PDE4D: variants seen among roughly 807,000 people sequenced by gnomAD.
PDE4D encodes phosphodiesterase 4D.
PDE4D carries 24 observed loss-of-function variants against 87.4 expected under a neutral mutation model. The ratio of observed to expected loss-of-function variants is 0.27; its 90% CI spans 0.20 to 0.39. The LOEUF is 0.39. PDE4D is among the 10% of genes least tolerant of loss of function. The probability of loss-of-function intolerance (pLI) is 1.00; values close to 1 mark genes in which losing one functional copy is unlikely to be tolerated. For synonymous variants in PDE4D, 384 were observed against 383.2 expected, an observed-to-expected ratio of 1.00 and a Z score of -0.02; for missense variants, 714 against 1,041.0, an observed-to-expected ratio of 0.69 and a Z score of 4.32.
Position 59,444,271 on chromosome 5 carries a change from A to G in PDE4D, c.456-228303T>C, listed in dbSNP as rs113175382. On this transcript the variant is annotated intron_variant, in intron 1 of 14. Coordinates refer to ENST00000340635, the MANE Select transcript of PDE4D (RefSeq NM_001104631.2). ...TGGCTACAGACCTTGGGCCTTGCTC[A>G]TAGATATGGAAAAATTGGAATATGA... is the stretch of plus-strand genomic sequence containing the variant. 7.2e-5 allele frequency among the ~76,000 whole-genome samples: 11 copies of G among 152,322 alleles called. 2 individuals carry two copies. Among genetic ancestry groups the G allele is most frequent in the African/African-American group, 2.6e-4 (11 of 41,560 alleles).
At chr5:59,108,175 C>T (rs905377593) in intron 5 of PDE4D, among the ~76,000 whole-genome samples, 7 of 152,206 alleles carry the variant, frequency 4.6e-5, no homozygotes, top group Admixed American at 2.6e-4. Flanking sequence ...TAAATCACTA[C>T]TGCCTTTTGA....
intron 1 of PDE4D, among the ~76,000 whole-genome samples, chr5:59,655,980 G>C (rs1744287756): frequency 6.6e-6 from 1 of 152,080 alleles, no homozygotes; most frequent in African/African-American, 2.4e-5. Context: ...AGTCTCTACT[G>C]TCACCTTGCC....
chr5:59,576,460 T>G (rs1347144705), intron 1 of PDE4D, among the ~76,000 whole-genome samples: 1 of 152,140 alleles, frequency 6.6e-6, no homozygotes, highest in Admixed American at 6.5e-5. Context: ...ATTTGAAAAA[T>G]ATAAAGTTAT....
chr5:60,341,852 G>A lies in PDE4D; in HGVS notation c.-90+146090C>T, dbSNP rs142314839. On this transcript the variant is annotated intron_variant, in intron 1 of 16. Transcript: ENST00000502484. ...GGAGTTAGCTTGCCAACCAAACACA[G>A]ACCCATCAGCCCTCCACCCCACCAC... 3.9e-5 allele frequency among the ~76,000 whole-genome samples: 6 copies of A among 152,198 alleles called. No homozygotes were observed. The East Asian group carries it at 1.2e-3, about 29-fold the overall frequency.
chr5:60,116,206 A>C (rs1778158418), intron 2 of PDE4D, among the ~76,000 whole-genome samples: 1 of 152,074 alleles, frequency 6.6e-6, no homozygotes, highest in Non-Finnish European at 1.5e-5. Flanking sequence ...ACAGCACAGA[A>C]TCCACAGTCT....
intron 1 of PDE4D, among the ~76,000 whole-genome samples, chr5:59,562,154 GT>G: frequency 6.6e-6 from 1 of 151,510 alleles, no homozygotes; most frequent in South Asian, 2.1e-4. Context: ...GTTTTGTTTT[GT>G]TTTTTTCAGA....
intron 1 of PDE4D, among the ~76,000 whole-genome samples, chr5:59,594,703 T>C (rs1172164088): frequency 1.3e-5 from 2 of 152,050 alleles, no homozygotes; most frequent in African/African-American, 2.4e-5. Flanking sequence ...TTACAATGCA[T>C]AGTTAAAGGC....
intron 5 of PDE4D, among the ~76,000 whole-genome samples, chr5:59,145,375 T>C (rs1210993919): frequency 6.6e-6 from 1 of 152,214 alleles, no homozygotes; most frequent in African/African-American, 2.4e-5. Flanking sequence ...GAATTTTGCA[T>C]ACAGAGAGAA....
At chr5:59,726,659 C>T (rs1167274886) in intron 1 of PDE4D, among the ~76,000 whole-genome samples, 1 of 152,076 alleles carries the variant, frequency 6.6e-6, no homozygotes, top group Non-Finnish European at 1.5e-5. Context: ...GCAGCTGGAG[C>T]TGACTAAAAC....
chr5:59,326,892 C>T (rs1435314569), intron 1 of PDE4D, among the ~76,000 whole-genome samples: 1 of 152,112 alleles, frequency 6.6e-6, no homozygotes, highest in African/African-American at 2.4e-5. Context: ...TTCATCATTT[C>T]CCCAATAGAT....
intron 2 of PDE4D, among the ~76,000 whole-genome samples, chr5:60,009,646 A>G (rs2152843863): frequency 6.6e-6 from 1 of 152,248 alleles, no homozygotes; most frequent in East Asian, 1.9e-4. Flanking sequence ...ACAAAAGGAC[A>G]GTTTGCAAAC....
chr5:59,646,811 G>A (rs560861300), intron 1 of PDE4D, among the ~76,000 whole-genome samples: 228 of 152,168 alleles, frequency 1.5e-3, no homozygotes, highest in Non-Finnish European at 2.8e-3. Context: ...CAAGGCAGGC[G>A]GATCATGAGG....
chr5:59,145,755 T>C (rs1262722560), intron 5 of PDE4D, among the ~76,000 whole-genome samples: 1 of 152,180 alleles, frequency 6.6e-6, no homozygotes, highest in Non-Finnish European at 1.5e-5. Flanking sequence ...TCATGTGGTG[T>C]TTCTAGTGAA....
chr5:60,396,099 C>T (rs1356098660), intron 1 of PDE4D, among the ~76,000 whole-genome samples: 1 of 152,238 alleles, frequency 6.6e-6, no homozygotes, highest in Non-Finnish European at 1.5e-5. Context: ...TACAGGGCTA[C>T]ATCCACCCAA....
chr5:60,444,385 C>T (rs1449400111), intron 1 of PDE4D, among the ~76,000 whole-genome samples: 2 of 152,060 alleles, frequency 1.3e-5, no homozygotes. Flanking sequence ...AGTGCCTATG[C>T]TATGCCAGGC....
chr5:59,219,116 G>T (rs1392770590), intron 1 of PDE4D, among the ~76,000 whole-genome samples: 5 of 150,376 alleles, frequency 3.3e-5, no homozygotes, highest in Non-Finnish European at 7.4e-5. Flanking sequence ...AGTGGGTGCA[G>T]TGCACCAGCA....
intron 1 of PDE4D, among the ~76,000 whole-genome samples, chr5:59,712,405 T>C (rs1353123868): frequency 7.5e-6 from 1 of 132,806 alleles, no homozygotes; most frequent in Non-Finnish European, 1.5e-5. Context: ...TATATATATA[T>C]ATATATATAT....
intron 1 of PDE4D, among the ~76,000 whole-genome samples, chr5:59,795,410 G>C (rs1257392846): frequency 6.6e-6 from 1 of 152,148 alleles, no homozygotes; most frequent in African/African-American, 2.4e-5. Context: ...CACGCTGAAA[G>C]AATACCTGGC....
intron 1 of PDE4D, among the ~76,000 whole-genome samples, chr5:59,524,924 C>T (rs907231466): frequency 1.3e-5 from 2 of 152,202 alleles, no homozygotes; most frequent in African/African-American, 4.8e-5. Flanking sequence ...GGAACCTCCA[C>T]CTAGATTTCA....
Sources: gnomAD v4.1 joint callset for allele counts (sites outside exome capture counted in the v4.1 genomes callset) on GRCh38, gnomAD v4.1.1 for gene constraint, MANE v1.5 for transcripts, NCBI Gene and HGNC (gene_info 2026-07-23, HGNC 2026-07-21) for gene names.